The following DNAAF4 variants were observed in gnomAD, a reference collection of about 807,000 sequenced individuals.
DNAAF4 encodes dynein assembly factor 4, axonemal.
Under a neutral mutation model 51.8 loss-of-function variants are expected in DNAAF4, and 43 were observed. The ratio of observed to expected loss-of-function variants is 0.83; its 90% CI spans 0.65 to 1.07. DNAAF4 has a LOEUF of 1.07. DNAAF4 is among the 50% of genes least tolerant of loss of function. The pLI is 0.00. For synonymous variants in DNAAF4, 194 were observed against 165.6 expected (o/e 1.17, Z -1.32); for missense variants, 581 against 493.0 (o/e 1.18, Z -1.69).
intron 3 of DNAAF4, among the ~76,000 whole-genome samples, chr15:55,494,524 G>C (rs1460726294): frequency 6.6e-6 from 1 of 152,000 alleles, no homozygotes; most frequent in Non-Finnish European, 1.5e-5. Context: ...CGATTCTCCT[G>C]CATCAGCCTC....
intron 7 of DNAAF4, chr15:55,418,407 A>C: frequency 6.5e-7 from 1 of 1,531,892 alleles, no homozygotes; most frequent in Non-Finnish European, 8.8e-7. Context: ...CATTATGGTG[A>C]ATTTCTACCT....
intron 4 of DNAAF4, among the ~76,000 whole-genome samples, chr15:55,473,095 G>C (rs968352996): frequency 1.7e-4 from 25 of 150,192 alleles, no homozygotes; most frequent in Non-Finnish European, 2.2e-4. Context: ...AAACCCAAGA[G>C]GCAGAGGTTG....
chr15:55,419,058 A>G (rs887498251), intron 7 of DNAAF4, among the ~76,000 whole-genome samples: 1 of 151,872 alleles, frequency 6.6e-6, no homozygotes, highest in African/African-American at 2.4e-5. Context: ...CTGGGATTAC[A>G]GGCACTCGCC....
chr15:55,452,011 C>G (rs1464989741), intron 5 of DNAAF4, among the ~76,000 whole-genome samples: 2 of 151,808 alleles, frequency 1.3e-5, no homozygotes, highest in Admixed American at 1.3e-4. Context: ...CTTCGGGATG[C>G]TGAGGCGGGT....
intron 3 of DNAAF4, among the ~76,000 whole-genome samples, chr15:55,497,016 T>C (rs1794374863): frequency 6.6e-6 from 1 of 152,156 alleles, no homozygotes; most frequent in African/African-American, 2.4e-5. Context: ...CTCTGACAAA[T>C]TTTGTTAAAA....
Position 55,442,282 on chromosome 15 carries a change from C to G in DNAAF4, c.784-2701G>C, listed in dbSNP as rs185928415. Among the ~76,000 whole-genome samples, 634 of 152,240 alleles carry G rather than the reference C, an allele frequency of 4.2e-3. 7 individuals are homozygous for G. The highest frequency in any genetic ancestry group is 0.014 in the African/African-American group (589 of 41,558). The stretch of plus-strand genomic sequence containing the variant: ...TACAGGCACACGCCACCATGCCCGG[C>G]TAATTTTTTTTATTTTAGTAGAGAC... On this transcript the variant is annotated intron_variant, in intron 6 of 9. Transcript: ENST00000321149.
chr15:55,463,073 T>G (rs1026946695), intron 5 of DNAAF4, among the ~76,000 whole-genome samples: 4 of 151,218 alleles, frequency 2.6e-5, no homozygotes, highest in African/African-American at 7.3e-5. Context: ...ACTGGGGAGG[T>G]TGAGGCAGGA....
chr15:55,507,366 C>G (rs1453285807), intron 1 of DNAAF4, among the ~76,000 whole-genome samples: 1 of 152,154 alleles, frequency 6.6e-6, no homozygotes, highest in Non-Finnish European at 1.5e-5. Context: ...GCTCAGAACA[C>G]TTACATTAGC....
chr15:55,433,891 T>TA lies in DNAAF4; in HGVS notation c.1047+1013dup, dbSNP rs367579452. 1.2e-3 allele frequency among the ~76,000 whole-genome samples: 12 copies of TA among 10,038 alleles called. No individual in the cohort carries two copies. The South Asian group carries it at 0.018, about 15-fold the overall frequency. 6.6% of individuals were successfully genotyped at this position (10,038 alleles called of 152,430 possible). On this transcript the variant is annotated intron_variant, in intron 8 of 9. Transcript: ENST00000321149. ...TTATATATATTACATATATTATATA[T>TA]ATATTATATATATTATATATAATTA...
chr15:55,434,546 C>T (rs2057576850), intron 8 of DNAAF4, among the ~76,000 whole-genome samples: 1 of 152,088 alleles, frequency 6.6e-6, no homozygotes, highest in Non-Finnish European at 1.5e-5. Flanking sequence ...GATATCTGGG[C>T]TGGGTGCCGG....
At chr15:55,463,952 A>G (rs2058132216) in intron 5 of DNAAF4, among the ~76,000 whole-genome samples, 1 of 152,160 alleles carries the variant, frequency 6.6e-6, no homozygotes, top group South Asian at 2.1e-4. Context: ...AACTAGAAAA[A>G]ACAATCCTAA....
intron 5 of DNAAF4, among the ~76,000 whole-genome samples, chr15:55,460,298 G>C (rs2058077196): frequency 6.6e-6 from 1 of 151,312 alleles, no homozygotes; most frequent in South Asian, 2.1e-4. Flanking sequence ...TCCTGCCTCA[G>C]CCTCCTGAGT....
In DNAAF4 at chr15:55,431,359, T is replaced by TACACAC. The variant is rs34741079; in HGVS notation, c.1154-586_1154-581dup. ...TTATTTCCGAGCTTAGGTGTGTGTA[T>TACACAC]ACACACACACACACACACACACACA... is the stretch of plus-strand genomic sequence containing the variant. On this transcript the variant is annotated intron_variant, in intron 9 of 9. Transcript: ENST00000321149. Among the ~76,000 whole-genome samples, 16 of 149,512 alleles carry TACACAC rather than the reference T, an allele frequency of 1.1e-4. 1 individual carries two copies. Among genetic ancestry groups the TACACAC allele is most frequent in the East Asian group, 5.9e-4 (3 of 5,050 alleles).
At chr15:55,472,713 A>G (rs1023646427) in intron 4 of DNAAF4, among the ~76,000 whole-genome samples, 26 of 152,236 alleles carry the variant, frequency 1.7e-4, no homozygotes, top group Non-Finnish European at 3.7e-4. Flanking sequence ...GACAGCAAAT[A>G]AAACTAATAC....
chr15:55,443,511 T>C (rs2057748684), intron 6 of DNAAF4, among the ~76,000 whole-genome samples: 1 of 152,240 alleles, frequency 6.6e-6, no homozygotes, highest in Admixed American at 6.5e-5. Flanking sequence ...TAAACATACA[T>C]GTGCATGTGT....
At chr15:55,450,825 C>CA (rs1224227483) in intron 5 of DNAAF4, among the ~76,000 whole-genome samples, 1 of 152,202 alleles carries the variant, frequency 6.6e-6, no homozygotes, top group Non-Finnish European at 1.5e-5. Context: ...AGGACGGGCG[C>CA]AGTGGCTCAT....
chr15:55,491,718 TAA>T (rs1050674581), intron 3 of DNAAF4, among the ~76,000 whole-genome samples: 3 of 139,492 alleles, frequency 2.2e-5, no homozygotes, highest in African/African-American at 7.9e-5. Flanking sequence ...TATTATTATA[TAA>T]TAGTATATAA....
At chr15:55,427,403 G>C (rs1450481161), downstream of DNAAF4, among the ~76,000 whole-genome samples, 1 of 152,060 alleles carries the variant, frequency 6.6e-6, no homozygotes, top group Non-Finnish European at 1.5e-5. Flanking sequence ...GGTGGGTGAG[G>C]TGAAGCTGGT....
chr15:55,439,920 T>C (rs192442692), intron 6 of DNAAF4, among the ~76,000 whole-genome samples: 24 of 152,252 alleles, frequency 1.6e-4, no homozygotes, highest in Admixed American at 1.3e-3. Context: ...TGAGCACCCC[T>C]ACCAAGAATC....
Sources: gnomAD v4.1 joint callset for allele counts (sites outside exome capture counted in the v4.1 genomes callset) on GRCh38, gnomAD v4.1.1 for gene constraint, MANE v1.5 for transcripts, NCBI Gene and HGNC (gene_info 2026-07-23, HGNC 2026-07-21) for gene names.